Variants in DOCK10 observed in about 807,000 individuals in gnomAD.
DOCK10 encodes the protein dedicator of cytokinesis protein 10.
In DOCK10, 145 loss-of-function variants were observed where a neutral mutation model predicts 280.1. That is an observed-to-expected ratio of 0.52 (90% CI 0.45 to 0.59). The LOEUF is 0.59. DOCK10 is among the 20% of genes least tolerant of loss of function. DOCK10 has a pLI of 0.00. For synonymous variants in DOCK10, 915 were observed against 942.2 expected, an observed-to-expected ratio of 0.97 and a Z score of 0.53; for missense variants, 2,368 against 2,651.7, an observed-to-expected ratio of 0.89 and a Z score of 2.35.
chr2:224,947,633 T>C (rs983195633), intron 1 of DOCK10, among the ~76,000 whole-genome samples: 4 of 152,200 alleles, frequency 2.6e-5, no homozygotes, highest in Non-Finnish European at 4.4e-5. Context: ...ACAGAGTTAG[T>C]TCCCTCATCT....
chr2:225,035,545 TA>T (rs1274525960), intron 1 of DOCK10, among the ~76,000 whole-genome samples: 4 of 11,510 alleles, frequency 3.5e-4, no homozygotes, highest in African/African-American at 6.2e-4. Context: ...ATATATATTA[TA>T]TATATATATA....
At chr2:224,961,514 A>AT (rs201581266) in intron 1 of DOCK10, among the ~76,000 whole-genome samples, 808 of 78,718 alleles carry the variant, frequency 0.01, 33 homozygotes, top group African/African-American at 0.04. Flanking sequence ...TTCTTTCTTC[A>AT]TTTTTTTTTT....
intron 22 of DOCK10, among the ~76,000 whole-genome samples, chr2:224,842,778 A>G (rs1282977843): frequency 2.0e-5 from 3 of 151,894 alleles, no homozygotes; most frequent in South Asian, 4.2e-4. Flanking sequence ...GGAAGGCCCA[A>G]CCCCTTCCTC....
chr2:225,009,238 G>A (rs759723372), intron 1 of DOCK10, among the ~76,000 whole-genome samples: 1 of 152,170 alleles, frequency 6.6e-6, no homozygotes, highest in East Asian at 1.9e-4. Flanking sequence ...AACTACAGAA[G>A]AGTATTTAAT....
In DOCK10 at chr2:224,841,396, G is replaced by A. The variant is rs187064698; in HGVS notation, c.2661+408C>T. 2.1e-3 allele frequency among the ~76,000 whole-genome samples: 313 copies of A among 151,862 alleles called. 2 individuals are homozygous for A. Among genetic ancestry groups the A allele is most frequent in the African/African-American group, 6.5e-3 (270 of 41,406 alleles). ...TCTTTGTTAATTAAAAAATGAATAC[G>A]TTAGAAAAAAATAAAGTATATTCTG... On this transcript the variant is annotated intron_variant, in intron 23 of 55. Coordinates refer to ENST00000258390, the MANE Select transcript of DOCK10 (RefSeq NM_014689.3).
At chr2:224,925,927 T>C (rs1702022405) in intron 2 of DOCK10, among the ~76,000 whole-genome samples, 1 of 152,266 alleles carries the variant, frequency 6.6e-6, no homozygotes, top group Non-Finnish European at 1.5e-5. Context: ...TAGCCCTTGC[T>C]TTCTTTTCTT....
intron 1 of DOCK10, among the ~76,000 whole-genome samples, chr2:225,029,674 A>G (rs889292623): frequency 1.3e-5 from 2 of 152,226 alleles, no homozygotes; most frequent in Non-Finnish European, 2.9e-5. Context: ...GTAAATATTC[A>G]ACATTAGCTC....
intron 2 of DOCK10, among the ~76,000 whole-genome samples, chr2:224,921,173 G>C (rs936037516): frequency 1.5e-5 from 2 of 133,492 alleles, no homozygotes; most frequent in Admixed American, 7.6e-5. Context: ...ATGGTGGCGG[G>C]CACCTGTAAT....
intron 4 of DOCK10, among the ~76,000 whole-genome samples, chr2:224,888,744 ATG>A (rs1407927549): frequency 1.7e-5 from 2 of 119,776 alleles, no homozygotes; most frequent in South Asian, 2.3e-4. Flanking sequence ...ATATGTGTGT[ATG>A]TGTGTGTGAA....
chr2:224,893,132 T>C (rs747872454), intron 4 of DOCK10, among the ~76,000 whole-genome samples: 15 of 152,184 alleles, frequency 9.9e-5, no homozygotes, highest in South Asian at 2.1e-4. Context: ...CAGTGTGGGA[T>C]GCCTGAGTGC....
chr2:224,966,477 T>C (rs1053929825), intron 1 of DOCK10, among the ~76,000 whole-genome samples: 6 of 152,188 alleles, frequency 3.9e-5, no homozygotes, highest in Admixed American at 2.6e-4. Flanking sequence ...TCTTCTTTTA[T>C]GCATGCGTAA....
chr2:224,830,764 T>C (rs1695171897), intron 26 of DOCK10, among the ~76,000 whole-genome samples, 152 bp from the exon 27 acceptor site: 1 of 152,104 alleles, frequency 6.6e-6, no homozygotes, highest in Admixed American at 6.5e-5. Context: ...TTCTCTATTA[T>C]AGTGGGATGA....
chr2:224,875,224 C>G (rs1175135383), intron 8 of DOCK10, among the ~76,000 whole-genome samples: 2 of 152,168 alleles, frequency 1.3e-5, no homozygotes, highest in East Asian at 3.8e-4. Context: ...CTATGGCATA[C>G]AGTAGTTGTG....
chr2:224,775,706 C>T (rs1690803198), intron 51 of DOCK10, among the ~76,000 whole-genome samples: 1 of 152,278 alleles, frequency 6.6e-6, no homozygotes, highest in African/African-American at 2.4e-5. Context: ...AAACTCCTGG[C>T]CTCAAGAGAT....
At chr2:225,020,669 C>T (rs1373749802) in intron 1 of DOCK10, among the ~76,000 whole-genome samples, 1 of 152,178 alleles carries the variant, frequency 6.6e-6, no homozygotes, top group African/African-American at 2.4e-5. Context: ...TCTAAAAATG[C>T]GTTGCAAGCA....
In DOCK10 at chr2:224,913,901, G is replaced by GTT. The variant is rs1197207413; in HGVS notation, c.333+2793_333+2794insAA. Reference sequence around the variant, plus strand: ...CGCCACCACGTCTGGCTAATTTTTTGGTTTTTTTTTGTATTTTTAGTAGAG... The same window carrying GTT: ...CGCCACCACGTCTGGCTAATTTTTTGTTGTTTTTTTTTGTATTTTTAGTAGAG... On this transcript the variant is annotated intron_variant, in intron 3 of 55. Coordinates refer to ENST00000258390, the MANE Select transcript of DOCK10 (RefSeq NM_014689.3). Among the ~76,000 whole-genome samples, 3 of 151,142 alleles carry GTT rather than the reference G, an allele frequency of 2.0e-5. No individual in the cohort carries two copies. The East Asian group carries it at 5.8e-4, about 29-fold the overall frequency.
intron 18 of DOCK10, 146 bp from the exon 19 acceptor site, chr2:224,849,745 C>T: frequency 1.6e-6 from 1 of 614,340 alleles, no homozygotes; most frequent in Non-Finnish European, 2.9e-6. Flanking sequence ...TCTAATTAAC[C>T]TTGAACTTCT....
At position 225,042,025 on chromosome 2, in the gene DOCK10, TGA is replaced by T. The variant is rs1352517234; in HGVS notation, c.123+225_123+226del. Among the ~76,000 whole-genome samples the T allele has an allele frequency of 6.6e-6, 1 of 152,230 alleles. No homozygotes were observed. The highest frequency in any genetic ancestry group is 1.5e-5 in the Non-Finnish European group (1 of 68,044). ...TCTGCTACCCACGCAGCTGCTCCTC[TGA>T]GCGTCCCGCGTGCACAAACGCGCCC... On this transcript the variant is annotated intron_variant, in intron 1 of 55. Coordinates refer to ENST00000258390, the MANE Select transcript of DOCK10 (RefSeq NM_014689.3). The surrounding 1 kb of genome is among the most constrained non-coding windows in gnomAD (Gnocchi z 5.1).
chr2:224,778,311 T>C, intron 50 of DOCK10, 27 bp from the exon 51 acceptor site: 1 of 1,579,208 alleles, frequency 6.3e-7, no homozygotes. Flanking sequence ...ACCACCAATT[T>C]TATTAGACAA....
Sources: allele counts gnomAD v4.1 joint callset (sites outside exome capture counted in the v4.1 genomes callset), GRCh38; gene constraint gnomAD v4.1.1; non-coding constraint Gnocchi (gnomAD v3.1); transcripts MANE v1.5; gene names NCBI Gene and HGNC (gene_info 2026-07-23, HGNC 2026-07-21).